Variants in SYNGR1 observed in about 807,000 individuals in gnomAD.
SYNGR1 encodes synaptogyrin-1.
SYNGR1 carries 14 observed loss-of-function variants against 26.1 expected under a neutral mutation model. The observed-to-expected ratio is 0.54, with a 90% confidence interval of 0.35 to 0.84. The LOEUF (loss-of-function observed/expected upper bound fraction) is 0.84. SYNGR1 is among the 40% of genes least tolerant of loss of function. SYNGR1 has a pLI of 0.01. For synonymous variants in SYNGR1, 141 were observed against 150.1 expected, an observed-to-expected ratio of 0.94 and a Z score of 0.44; for missense variants, 319 against 332.9, an observed-to-expected ratio of 0.96 and a Z score of 0.33.
At chr22:39,366,313 A>G (rs1924756540) in intron 1 of SYNGR1, among the ~76,000 whole-genome samples, 1 of 150,982 alleles carries the variant, frequency 6.6e-6, no homozygotes, top group Non-Finnish European at 1.5e-5. Flanking sequence ...CTCACTCCCT[A>G]CGTCGGCTGT....
chr22:39,351,454 C>G (rs189678614), intron 1 of SYNGR1, among the ~76,000 whole-genome samples: 1 of 152,246 alleles, frequency 6.6e-6, no homozygotes, highest in African/African-American at 2.4e-5. Context: ...TGCACAGAGC[C>G]GGGCACCCCA....
chr22:39,381,869 C>G lies in SYNGR1; in HGVS notation c.657C>G (p.Asn219Lys). ...GMGGTYQQPANTFDTEPQGYQ... is the reference protein window; with the variant it reads ...GMGGTYQQPAKTFDTEPQGYQ... ...GCGGCACCTACCAGCAGCCGGCCAA[C>G]ACCTTCGACACCGAGCCCCAGGGCT... Residue 219 changes from asparagine to lysine, a missense_variant, in exon 4 of 4, where the codon AAC (asparagine) becomes AAG (lysine). Asn to Lys is a moderately conservative substitution (Grantham distance 94). Coordinates refer to ENST00000328933, the MANE Select transcript of SYNGR1 (RefSeq NM_004711.5). The G allele has an allele frequency of 3.7e-6, 6 of 1,612,886 alleles. No individual in the cohort carries two copies. The highest frequency in any genetic ancestry group is 4.2e-6 in the Non-Finnish European group (5 of 1,179,874).
chr22:39,379,317 T>G (rs116458330), intron 3 of SYNGR1, among the ~76,000 whole-genome samples: 6,546 of 152,270 alleles, frequency 0.043, 458 homozygotes, highest in African/African-American at 0.14. Flanking sequence ...CCCTCAGAAC[T>G]TTGGTCAATG....
rs1427649504 is a variant in SYNGR1 at position 39,350,094 on chromosome 22, G to A, written c.84G>A (p.Leu28=). ...YTLVRQPHTI[L]RVVSWLFSIV... ...TGGTCCGGCAGCCGCACACCATCCT[G>A]CGCGTCGTGTCTTGGGTAAGGACGG... is the stretch of plus-strand genomic sequence containing the variant. The change falls in exon 1 of 4, where the codon CTG becomes CTA. Residue 28 remains leucine (L), a synonymous_variant. Transcript: ENST00000328933. The surrounding 1 kb of genome is among the most constrained non-coding windows in gnomAD (Gnocchi z 4.3). The A allele has an allele frequency of 6.8e-7, 1 of 1,469,612 alleles. No individual in the cohort carries two copies. Among genetic ancestry groups the A allele is most frequent in the East Asian group, 3.0e-5 (1 of 32,898 alleles). 91.0% of individuals were successfully genotyped at this position (1,469,612 alleles called of 1,614,324 possible).
At chr22:39,371,475 T>G (rs1925015543) in intron 1 of SYNGR1, among the ~76,000 whole-genome samples, 1 of 59,336 alleles carries the variant, frequency 1.7e-5, no homozygotes. Context: ...AAAGTCCATC[T>G]CAAAAAAAAA....
At chr22:39,354,729 C>G (rs2145605412) in intron 1 of SYNGR1, among the ~76,000 whole-genome samples, 1 of 152,198 alleles carries the variant, frequency 6.6e-6, no homozygotes, top group Non-Finnish European at 1.5e-5. Context: ...ATCCCAGCTA[C>G]TCAGGAGGCT....
intron 1 of SYNGR1, among the ~76,000 whole-genome samples, chr22:39,373,434 G>A (rs1162831944): frequency 6.6e-6 from 1 of 151,996 alleles, no homozygotes; most frequent in Non-Finnish European, 1.5e-5. Context: ...CCAAAGTGCT[G>A]GGATTACAGG....
At position 39,382,604 on chromosome 22, in the gene SYNGR1, G is replaced by C. The variant is rs147854258; in HGVS notation, c.*690G>C. ...CCCACCTCCTACCATCCCCACGCTTGGGGCTTCCCTGCTCAGTGTTACTGT... is the reference window on the plus strand; with the variant it reads ...CCCACCTCCTACCATCCCCACGCTTCGGGCTTCCCTGCTCAGTGTTACTGT... On this transcript the variant is annotated 3_prime_UTR_variant, in exon 4 of 4. Transcript: ENST00000328933. 1.7e-3 allele frequency: 272 copies of C among 155,530 alleles called. 6 individuals carry two copies. The East Asian group carries it at 0.045, about 26-fold the overall frequency. The allele number at this position is 155,530 out of a possible 1,614,324, so 9.6% of individuals were successfully genotyped here. A position where few individuals can be genotyped will look rare whatever the true frequency, so the allele number is the denominator to read the frequency against.
rs532303205 is a variant in SYNGR1 at position 39,363,606 on chromosome 22, G to A, written c.100-10710G>A. The stretch of plus-strand genomic sequence containing the variant: ...GAAGGACTCATGGCCCAAGCAGGGG[G>A]ACCTCAGGGCCATTCTAGGGTGATG... On this transcript the variant is annotated intron_variant, in intron 1 of 3. Coordinates refer to ENST00000328933, the MANE Select transcript of SYNGR1 (RefSeq NM_004711.5). 1.1e-4 allele frequency among the ~76,000 whole-genome samples: 16 copies of A among 152,190 alleles called. No individual in the cohort carries two copies. In the South Asian group the frequency reaches 3.3e-3, roughly 32 times the overall value.
intron 1 of SYNGR1, 121 bp from the exon 2 acceptor site, chr22:39,374,195 A>C: frequency 2.3e-6 from 2 of 859,748 alleles, no homozygotes; most frequent in African/African-American, 1.6e-5. Flanking sequence ...ATGCCTGCTT[A>C]ACCCGGGTCT....
At chr22:39,375,924 G>A in intron 2 of SYNGR1, 128 bp from the exon 3 acceptor site, 1 of 1,276,022 alleles carries the variant, frequency 7.8e-7, no homozygotes, top group Non-Finnish European at 1.1e-6. Flanking sequence ...TGTCCCTTTG[G>A]GGGTGGGGGA....
At chr22:39,377,578 C>T (rs1418384347) in intron 3 of SYNGR1, 2 of 1,612,450 alleles carry the variant, frequency 1.2e-6, no homozygotes, top group South Asian at 2.2e-5. Context: ...ACTGGCCTCA[C>T]CCCTACTCTC....
intron 1 of SYNGR1, among the ~76,000 whole-genome samples, chr22:39,357,880 C>T (rs1397048703): frequency 6.6e-6 from 1 of 152,274 alleles, no homozygotes; most frequent in Non-Finnish European, 1.5e-5. Context: ...CTAAGCCTCC[C>T]ACCCACTCCA....
At chr22:39,354,157 C>T (rs981390737) in intron 1 of SYNGR1, among the ~76,000 whole-genome samples, 1 of 152,214 alleles carries the variant, frequency 6.6e-6, no homozygotes, top group African/African-American at 2.4e-5. Context: ...CCACCGTGCC[C>T]AGTCAATGTT....
At chr22:39,378,360 T>C (rs1370257888) in intron 3 of SYNGR1, 2 of 952,492 alleles carry the variant, frequency 2.1e-6, no homozygotes, top group Non-Finnish European at 1.2e-6. Flanking sequence ...GCTCAATAAA[T>C]GTAAGCTCTT....
intron 1 of SYNGR1, among the ~76,000 whole-genome samples, chr22:39,371,342 G>A (rs547326582): frequency 2.0e-5 from 3 of 152,146 alleles, no homozygotes; most frequent in African/African-American, 7.2e-5. Context: ...CGGATGTGGT[G>A]GCGCATGCCT....
At chr22:39,377,713 G>A (rs200027843) in intron 3 of SYNGR1, 55 of 1,610,600 alleles carry the variant, frequency 3.4e-5, no homozygotes, top group African/African-American at 3.1e-4. Flanking sequence ...TGCAGAGGCC[G>A]GCAGCCCTGT....
At chr22:39,362,274 G>A (rs1299480753) in intron 1 of SYNGR1, among the ~76,000 whole-genome samples, 1 of 152,112 alleles carries the variant, frequency 6.6e-6, no homozygotes, top group Non-Finnish European at 1.5e-5. Context: ...CAGCACCTTG[G>A]GGAGGCAGGG....
intron 3 of SYNGR1, chr22:39,376,978 C>T: frequency 6.4e-7 from 1 of 1,550,470 alleles, no homozygotes; most frequent in South Asian, 1.2e-5. Flanking sequence ...TGGTCTGGGT[C>T]ATGTCTGTTT....
Sources: allele counts gnomAD v4.1 joint callset (sites outside exome capture counted in the v4.1 genomes callset), GRCh38; gene constraint gnomAD v4.1.1; non-coding constraint Gnocchi (gnomAD v3.1); transcripts MANE v1.5; gene names NCBI Gene and HGNC (gene_info 2026-07-23, HGNC 2026-07-21).